Variants in RFX6 observed in about 807,000 individuals in gnomAD.
RFX6 encodes the protein DNA-binding protein RFX6.
Under a neutral mutation model 110.8 loss-of-function variants are expected in RFX6, and 50 were observed. That is an observed-to-expected ratio of 0.45 (90% CI 0.36 to 0.57). The LOEUF is 0.57. Among genes scored for constraint, RFX6 ranks in the 20% least tolerant of loss-of-function variants. The pLI, the probability that RFX6 is intolerant of heterozygous loss-of-function variation, is 0.00. For missense variants in RFX6, 990 were observed against 1,127.0 expected, an observed-to-expected ratio of 0.88 and a Z score of 1.74; for synonymous variants, 383 against 411.2, an observed-to-expected ratio of 0.93 and a Z score of 0.83.
chr6:116,922,018 C>CTTTT, intron 12 of RFX6, 24 bp from the exon 13 acceptor site: 11 of 883,418 alleles, frequency 1.2e-5, no homozygotes, highest in South Asian at 5.8e-5. Flanking sequence ...TCTTTTCTTT[C>CTTTT]TTTTTTTTTT....
At chr6:116,926,673 T>C (rs1242674026) in intron 16 of RFX6, among the ~76,000 whole-genome samples, 1 of 152,162 alleles carries the variant, frequency 6.6e-6, no homozygotes, top group Non-Finnish European at 1.5e-5. Flanking sequence ...CTTTTTCTTT[T>C]TACCCTAAAA....
At chr6:116,930,902 T>C (rs992521383) in intron 18 of RFX6, among the ~76,000 whole-genome samples, 2 of 152,058 alleles carry the variant, frequency 1.3e-5, no homozygotes, top group Non-Finnish European at 2.9e-5. Flanking sequence ...GAAAGTTTGA[T>C]CTACTCTTCA....
intron 5 of RFX6, among the ~76,000 whole-genome samples, chr6:116,894,909 C>T (rs2114673565): frequency 6.6e-6 from 1 of 152,222 alleles, no homozygotes; most frequent in Admixed American, 6.5e-5. Flanking sequence ...TAGGCTGGAA[C>T]ACACACAAAT....
At chr6:116,922,725 T>C (rs1210571425) in intron 13 of RFX6, among the ~76,000 whole-genome samples, 1 of 152,122 alleles carries the variant, frequency 6.6e-6, no homozygotes, top group Non-Finnish European at 1.5e-5. Context: ...GTAAGGAAAA[T>C]AGATTATCAT....
chr6:116,920,437 C>G lies in RFX6; in HGVS notation c.1310C>G (p.Ser437Cys), dbSNP rs1775569348. The change falls in exon 12 of 19, where the codon TCT becomes TGT. Residue 437 changes from serine (S) to cysteine (C), a missense_variant. By Grantham distance (112) the Ser-to-Cys change is moderately radical (BLOSUM62 -1). Coordinates refer to ENST00000332958, the MANE Select transcript of RFX6 (RefSeq NM_173560.4). ...LTISGSTDTE[S>C]GIYTEHDSIT... ...ATTTCAGGCAGCACAGACACTGAAT[C>G]TGGTATCTACACTGAACGTAAGTCC... 3 of 1,613,232 alleles carry G rather than the reference C, an allele frequency of 1.9e-6. No individual in the cohort carries two copies. Among genetic ancestry groups the G allele is most frequent in the African/African-American group, 1.3e-5 (1 of 74,878 alleles).
At chr6:116,884,625 C>A (rs976128867) in intron 4 of RFX6, among the ~76,000 whole-genome samples, 1 of 152,038 alleles carries the variant, frequency 6.6e-6, no homozygotes, top group Non-Finnish European at 1.5e-5. Flanking sequence ...GGAAAAGAGG[C>A]CGAGCAATGA....
chr6:116,919,080 T>C (rs548232028), intron 10 of RFX6, 57 bp from the exon 11 acceptor site: 9 of 1,474,022 alleles, frequency 6.1e-6, no homozygotes, highest in East Asian at 2.3e-5. Context: ...AATTAAAATA[T>C]GATTGTTTAA....
intron 4 of RFX6, among the ~76,000 whole-genome samples, chr6:116,892,585 T>G (rs1157622202): frequency 6.6e-6 from 1 of 152,130 alleles, no homozygotes; most frequent in Non-Finnish European, 1.5e-5. Context: ...TGCAGTCCAG[T>G]TCCCTCACAG....
intron 6 of RFX6, among the ~76,000 whole-genome samples, chr6:116,901,885 G>C (rs142463017): frequency 2.8e-4 from 42 of 152,156 alleles, no homozygotes; most frequent in African/African-American, 9.9e-4. Context: ...TGTGTATGAG[G>C]ATGTTCACTG....
chr6:116,902,954 T>C (rs1247744017), intron 6 of RFX6, among the ~76,000 whole-genome samples: 2 of 152,042 alleles, frequency 1.3e-5, no homozygotes, highest in Admixed American at 6.5e-5. Flanking sequence ...GTAGGGTCCT[T>C]CTTGTTTTCT....
chr6:116,905,336 A>G (rs1253534617), intron 6 of RFX6, among the ~76,000 whole-genome samples: 1 of 152,122 alleles, frequency 6.6e-6, no homozygotes, highest in Non-Finnish European at 1.5e-5. Context: ...TCATTCATAT[A>G]TCTTCTCTAG....
intron 6 of RFX6, among the ~76,000 whole-genome samples, chr6:116,895,731 C>G (rs1056631558): frequency 6.6e-6 from 1 of 151,924 alleles, no homozygotes; most frequent in Admixed American, 6.6e-5. Flanking sequence ...CAAGAACAGA[C>G]TTTATCTAAA....
At chr6:116,913,355 C>T (rs778563357) in intron 7 of RFX6, among the ~76,000 whole-genome samples, 1 of 152,214 alleles carries the variant, frequency 6.6e-6, no homozygotes, top group Non-Finnish European at 1.5e-5. Context: ...AGCCACCGCG[C>T]CCAGCCAGCA....
chr6:116,921,403 C>T lies in RFX6; in HGVS notation c.1328-639C>T, dbSNP rs1775591571. 2.0e-5 allele frequency among the ~76,000 whole-genome samples: 3 copies of T among 152,288 alleles called. No individual in the cohort carries two copies. In the South Asian group the frequency reaches 6.2e-4, roughly 32 times the overall value. Reference sequence around the variant, plus strand: ...GGAAATCACCAAGCTTAGGTTCATTCATTCACTTTTAACTAATCTGTTCCG... The same window carrying T: ...GGAAATCACCAAGCTTAGGTTCATTTATTCACTTTTAACTAATCTGTTCCG... On this transcript the variant is annotated intron_variant, in intron 12 of 18. Transcript: ENST00000332958.
At chr6:116,886,374 G>A (rs59093938) in intron 4 of RFX6, among the ~76,000 whole-genome samples, 5,486 of 152,156 alleles carry the variant, frequency 0.036, 323 homozygotes, top group African/African-American at 0.12. Context: ...GACTCAAAAG[G>A]TTCTCCTGTA....
At chr6:116,913,868 A>G (rs1051263387) in intron 7 of RFX6, among the ~76,000 whole-genome samples, 2 of 152,218 alleles carry the variant, frequency 1.3e-5, no homozygotes, top group Non-Finnish European at 2.9e-5. Flanking sequence ...TATAATTTGT[A>G]CGGATAAATC....
Position 116,882,493 on chromosome 6 carries a change from T to C in RFX6, c.566+65T>C, listed in dbSNP as rs185633353. On this transcript the variant is annotated intron_variant, in intron 4 of 18. Coordinates refer to ENST00000332958, the MANE Select transcript of RFX6 (RefSeq NM_173560.4). ...CATGAAGATTGACACAGATGTAAAA[T>C]AAGTATTGTCTTTGTCAGTACAAAG... is the stretch of plus-strand genomic sequence containing the variant. The C allele has an allele frequency of 1.3e-5, 15 of 1,165,706 alleles. 1 individual carries two copies. In the East Asian group the frequency reaches 2.8e-4, roughly 22 times the overall value. The allele number at this position is 1,165,706 out of a possible 1,614,324, so 72.2% of individuals were successfully genotyped here.
chr6:116,908,689 G>GACAC lies in RFX6; in HGVS notation c.673-2222_673-2219dup, dbSNP rs35170155. On this transcript the variant is annotated intron_variant, in intron 6 of 18. Transcript: ENST00000332958. Reference sequence around the variant, plus strand: ...TAGCATACACACACACACACACACAGACACACACACACACACACACACACA... The same window carrying GACAC: ...TAGCATACACACACACACACACACAGACACACACACACACACACACACACACACA... Among the ~76,000 whole-genome samples the GACAC allele has an allele frequency of 1.4e-3, 164 of 119,042 alleles. 1 individual carries two copies. Among genetic ancestry groups the GACAC allele is most frequent in the African/African-American group, 4.8e-3 (152 of 31,588 alleles). 78.1% of individuals were successfully genotyped at this position (119,042 alleles called of 152,430 possible).
intron 1 of RFX6, 66 bp from the exon 2 acceptor site, chr6:116,877,730 A>C: frequency 1.3e-6 from 2 of 1,531,126 alleles, no homozygotes; most frequent in Middle Eastern, 1.7e-4. Flanking sequence ...GTTAAGGTAC[A>C]CTTAAAGGCG....
Sources: gnomAD v4.1 joint callset for allele counts (sites outside exome capture counted in the v4.1 genomes callset) on GRCh38, gnomAD v4.1.1 for gene constraint, MANE v1.5 for transcripts, NCBI Gene and HGNC (gene_info 2026-07-23, HGNC 2026-07-21) for gene names.